Variants in DOCK4 observed in about 807,000 individuals in gnomAD.
DOCK4 encodes the protein dedicator of cytokinesis 4.
DOCK4 carries 97 observed loss-of-function variants against 268.1 expected under a neutral mutation model. That is an observed-to-expected ratio of 0.36 (90% CI 0.31 to 0.43). The LOEUF (loss-of-function observed/expected upper bound fraction) is 0.43. Ranked by LOEUF, DOCK4 falls within the 20% of genes least tolerant of loss-of-function variation. DOCK4 has a pLI of 1.00. For missense variants in DOCK4, 2,145 were observed against 2,455.7 expected (o/e 0.87, Z 2.67); for synonymous variants, 954 against 887.2 (o/e 1.08, Z -1.34).
chr7:112,164,419 T>C (rs1000428223), intron 1 of DOCK4, among the ~76,000 whole-genome samples: 6 of 152,232 alleles, frequency 3.9e-5, no homozygotes, highest in African/African-American at 1.2e-4. Flanking sequence ...TATAACCATA[T>C]TAATAAAGTA....
chr7:111,896,605 T>C (rs1385258467), intron 15 of DOCK4, among the ~76,000 whole-genome samples: 1 of 151,774 alleles, frequency 6.6e-6, no homozygotes, highest in Non-Finnish European at 1.5e-5. Flanking sequence ...CAGCAGCCTG[T>C]TAAGGGCTGG....
intron 1 of DOCK4, among the ~76,000 whole-genome samples, chr7:112,070,663 G>C (rs1023976119): frequency 1.3e-5 from 2 of 151,820 alleles, no homozygotes. Flanking sequence ...TGGTGATAAA[G>C]TTTTATTAAA....
At chr7:111,987,912 A>G (rs1799177065) in intron 6 of DOCK4, among the ~76,000 whole-genome samples, 1 of 152,210 alleles carries the variant, frequency 6.6e-6, no homozygotes, top group Non-Finnish European at 1.5e-5. Context: ...GGCACATCCT[A>G]TTCAACAAAA....
chr7:111,893,887 T>C (rs770195337), intron 16 of DOCK4, among the ~76,000 whole-genome samples: 6 of 152,202 alleles, frequency 3.9e-5, no homozygotes, highest in Non-Finnish European at 8.8e-5. Context: ...AATGAATGAT[T>C]AAAGAAATAG....
intron 1 of DOCK4, among the ~76,000 whole-genome samples, chr7:112,140,290 C>T (rs937056645): frequency 1.3e-5 from 2 of 151,996 alleles, no homozygotes; most frequent in Non-Finnish European, 2.9e-5. Flanking sequence ...GAGCCCCCAA[C>T]CCCCACCTGC....
chr7:112,180,858 T>A (rs1443604447), intron 1 of DOCK4, among the ~76,000 whole-genome samples: 2 of 152,148 alleles, frequency 1.3e-5, no homozygotes, highest in African/African-American at 4.8e-5. Flanking sequence ...CTAGGAAGCA[T>A]CCCCATGTTG....
intron 8 of DOCK4, among the ~76,000 whole-genome samples, chr7:111,971,062 G>A (rs866378541): frequency 6.6e-6 from 1 of 152,196 alleles, no homozygotes; most frequent in Admixed American, 6.5e-5. Flanking sequence ...ACGAGAAAGG[G>A]AGTACTTTTA....
chr7:111,885,916 T>C (rs1298506187), intron 16 of DOCK4, among the ~76,000 whole-genome samples: 1 of 152,194 alleles, frequency 6.6e-6, no homozygotes, highest in African/African-American at 2.4e-5. Flanking sequence ...GCTCACAGTG[T>C]ATTTCTTTCT....
rs116214153 is a variant in DOCK4, at chr7:111,941,332, G to A, written c.845-1090C>T. Among the ~76,000 whole-genome samples the A allele has an allele frequency of 9.2e-3, 1,400 of 151,986 alleles. 23 individuals are homozygous for A. The highest frequency in any genetic ancestry group is 0.032 in the African/African-American group (1,316 of 41,448). On this transcript the variant is annotated intron_variant, in intron 10 of 52. Coordinates refer to ENST00000428084, the MANE Select transcript of DOCK4 (RefSeq NM_001363540.2). ...TTAATATAAATTCTGTCTGAAAACC[G>A]AACACTTTATGTCATACTTGAATTT...
intron 1 of DOCK4, among the ~76,000 whole-genome samples, chr7:112,099,480 T>C (rs1424954533): frequency 6.6e-6 from 1 of 152,202 alleles, no homozygotes; most frequent in African/African-American, 2.4e-5. Flanking sequence ...ATGTATTTAC[T>C]TGTGTTTACT....
intron 46 of DOCK4, 89 bp downstream of exon 46, chr7:111,741,451 G>C: frequency 6.5e-7 from 1 of 1,535,936 alleles, no homozygotes; most frequent in Non-Finnish European, 8.8e-7. Context: ...TAGCGTATTT[G>C]ACAAATTGTG....
At chr7:111,832,159 G>A (rs140977055) in intron 26 of DOCK4, among the ~76,000 whole-genome samples, 93 of 152,174 alleles carry the variant, frequency 6.1e-4, no homozygotes, top group African/African-American at 2.2e-3. Context: ...TGTCAGTCGG[G>A]GCATTCAGGT....
chr7:112,178,026 A>C (rs1396475815), intron 1 of DOCK4, among the ~76,000 whole-genome samples: 5 of 152,226 alleles, frequency 3.3e-5, no homozygotes. Flanking sequence ...TCCAATAAAC[A>C]AATTGTATTA....
At chr7:111,757,651 T>A (rs778481683) in intron 41 of DOCK4, among the ~76,000 whole-genome samples, 20 of 152,148 alleles carry the variant, frequency 1.3e-4, no homozygotes, top group Non-Finnish European at 2.4e-4. Flanking sequence ...CTGTCATAAC[T>A]CTGCAAAACC....
intron 12 of DOCK4, among the ~76,000 whole-genome samples, chr7:111,924,802 A>C (rs1026528357): frequency 2.6e-5 from 4 of 152,194 alleles, no homozygotes; most frequent in Admixed American, 2.6e-4. Context: ...ATCTAAAAGA[A>C]AATACGATTT....
intron 4 of DOCK4, among the ~76,000 whole-genome samples, chr7:111,994,517 A>G (rs1334909257): frequency 1.3e-5 from 2 of 152,196 alleles, no homozygotes; most frequent in African/African-American, 4.8e-5. Context: ...ACTAGGCAGC[A>G]ACTCATTTAA....
At chr7:112,096,496 C>A (rs1810156096) in intron 1 of DOCK4, among the ~76,000 whole-genome samples, 2 of 152,176 alleles carry the variant, frequency 1.3e-5, no homozygotes, top group Non-Finnish European at 2.9e-5. Flanking sequence ...TTAGGCCATT[C>A]TTTAACCCAT....
At chr7:112,061,202 T>C (rs1367694791) in intron 1 of DOCK4, among the ~76,000 whole-genome samples, 3 of 152,132 alleles carry the variant, frequency 2.0e-5, no homozygotes, top group Non-Finnish European at 4.4e-5. Flanking sequence ...TTTCCAGTAA[T>C]TACCACATTG....
chr7:111,774,692 A>G (rs539887888), intron 36 of DOCK4, among the ~76,000 whole-genome samples: 1 of 152,336 alleles, frequency 6.6e-6, no homozygotes, highest in African/African-American at 2.4e-5. Flanking sequence ...GAGGCTGAAC[A>G]GACAAGCGTT....
Sources: gnomAD v4.1 joint callset for allele counts (sites outside exome capture counted in the v4.1 genomes callset) on GRCh38, gnomAD v4.1.1 for gene constraint, MANE v1.5 for transcripts, NCBI Gene and HGNC (gene_info 2026-07-23, HGNC 2026-07-21) for gene names.